The following ATP6V1B1 variants were observed in gnomAD, a reference collection of about 807,000 sequenced individuals.
ATP6V1B1 encodes the protein V-type proton ATPase subunit B, kidney isoform.
In ATP6V1B1, 41 loss-of-function variants were observed where a neutral mutation model predicts 62.1. The observed-to-expected ratio is 0.66, with a 90% confidence interval of 0.51 to 0.86. The LOEUF is 0.86. Ranked by LOEUF, ATP6V1B1 falls within the 40% of genes least tolerant of loss-of-function variation. The pLI is 0.00. For synonymous variants in ATP6V1B1, 253 were observed against 273.4 expected, an observed-to-expected ratio of 0.93 and a Z score of 0.74; for missense variants, 651 against 697.5, an observed-to-expected ratio of 0.93 and a Z score of 0.75.
chr2:70,944,663 C>G (rs1572909249), intron 2 of ATP6V1B1, among the ~76,000 whole-genome samples: 1 of 143,366 alleles, frequency 7.0e-6, no homozygotes, highest in African/African-American at 2.6e-5. Flanking sequence ...GCTTACAGGT[C>G]TTTTCTTTTT....
chr2:70,963,380 A>C lies in ATP6V1B1; in HGVS notation c.1060+68A>C. The C allele has an allele frequency of 5.6e-6, 9 of 1,609,910 alleles. No homozygotes were observed. The highest frequency in any genetic ancestry group is 1.3e-5 in the African/African-American group (1 of 74,938). ...CTCCCTTTTCCAACCAGATACTTAA[A>C]GGGCCCACGTTGCTTTGCACAGATG... On this transcript the variant is annotated intron_variant, in intron 10 of 13. Coordinates refer to ENST00000234396, the MANE Select transcript of ATP6V1B1 (RefSeq NM_001692.4). This position sits in a 1 kb window ranked among gnomAD's most constrained non-coding sequence, Gnocchi z 4.3.
intron 12 of ATP6V1B1, 94 bp from the exon 13 acceptor site, chr2:70,964,642 C>T: frequency 6.2e-7 from 1 of 1,612,650 alleles, no homozygotes; most frequent in Non-Finnish European, 8.5e-7. Flanking sequence ...GGCAAAATTC[C>T]TTTCCGAACG....
At chr2:70,939,693 A>G (rs1679941743) in intron 1 of ATP6V1B1, 1 of 152,236 alleles carries the variant, frequency 6.6e-6, no homozygotes, top group South Asian at 2.1e-4. Flanking sequence ...AACAGGGGAG[A>G]GGCAGAGCTC....
chr2:70,938,898 G>C, intron 1 of ATP6V1B1: 1 of 683,214 alleles, frequency 1.5e-6, no homozygotes, highest in Non-Finnish European at 1.8e-6. Flanking sequence ...AGGAGCTTGA[G>C]TGCCAAACCA....
chr2:70,941,849 G>A (rs1477087375), intron 1 of ATP6V1B1: 7 of 985,856 alleles, frequency 7.1e-6, no homozygotes, highest in Middle Eastern at 5.2e-4. Context: ...GCTGACAGGC[G>A]GCCCCAGAGG....
chr2:70,956,697 G>A (rs1487985776), intron 2 of ATP6V1B1, among the ~76,000 whole-genome samples: 1 of 152,076 alleles, frequency 6.6e-6, no homozygotes, highest in Non-Finnish European at 1.5e-5. Flanking sequence ...CTGCCTTCCT[G>A]GCTCAAGGGA....
At chr2:70,964,259 A>C in intron 11 of ATP6V1B1, 179 bp from the exon 12 acceptor site, 1 of 677,456 alleles carries the variant, frequency 1.5e-6, no homozygotes, top group Non-Finnish European at 2.7e-6. Context: ...GTCTAGGGCC[A>C]CATATAAGAC....
chr2:70,954,694 GC>G (rs1680395263), intron 2 of ATP6V1B1, among the ~76,000 whole-genome samples: 1 of 152,082 alleles, frequency 6.6e-6, no homozygotes, highest in African/African-American at 2.4e-5. Context: ...TGTTGCCCAG[GC>G]TGATCTCAAC....
In ATP6V1B1 at chr2:70,963,350, C is replaced by T. The variant is rs1680636891; in HGVS notation, c.1060+38C>T. 1 of 1,612,166 alleles carries T rather than the reference C, an allele frequency of 6.2e-7. No individual in the cohort carries two copies. The highest frequency in any genetic ancestry group is 1.7e-5 in the Admixed American group (1 of 60,004). On this transcript the variant is annotated intron_variant, in intron 10 of 13. Coordinates refer to ENST00000234396, the MANE Select transcript of ATP6V1B1 (RefSeq NM_001692.4). The surrounding 1 kb of genome is among the most constrained non-coding windows in gnomAD (Gnocchi z 4.3). ...CAGCCCACTACCCTCCAGAGCTCCC[C>T]TGTCCTCCCTTTTCCAACCAGATAC... is the stretch of plus-strand genomic sequence containing the variant.
Position 70,958,046 on chromosome 2 carries a change from T to A in ATP6V1B1, c.175T>A (p.Phe59Ile). Reference protein sequence around the residue: ...GPLVVLDRVKFAQYAEIVHFT... With the variant: ...GPLVVLDRVKIAQYAEIVHFT... ...CGTGGCTGCTCTCCCCTCCTGCCAG[T>A]TTGCCCAGTATGCGGAGATCGTCCA... The change falls in exon 3 of 14, where the codon TTT (phenylalanine) becomes ATT (isoleucine). Residue 59 changes from phenylalanine to isoleucine, a missense_variant and splice_region_variant. Phe to Ile is a conservative substitution (Grantham distance 21). Coordinates refer to ENST00000234396, the MANE Select transcript of ATP6V1B1 (RefSeq NM_001692.4). 1 of 1,613,806 alleles carries A rather than the reference T, an allele frequency of 6.2e-7. No individual in the cohort carries two copies. Among genetic ancestry groups the A allele is most frequent in the Non-Finnish European group, 8.5e-7 (1 of 1,179,908 alleles).
chr2:70,943,372 A>C (rs573144420), intron 1 of ATP6V1B1: 748 of 582,808 alleles, frequency 1.3e-3, no homozygotes, highest in Admixed American at 3.9e-3. Flanking sequence ...AAGCAGCCTC[A>C]GGGATGAGAG....
intron 2 of ATP6V1B1, chr2:70,956,073 C>A: frequency 4.8e-6 from 1 of 210,058 alleles, no homozygotes; most frequent in South Asian, 1.1e-4. Context: ...TGGTTTTGTT[C>A]TCAGCAAACT....
intron 2 of ATP6V1B1, among the ~76,000 whole-genome samples, chr2:70,951,282 C>T (rs983867800): frequency 3.9e-5 from 6 of 152,232 alleles, no homozygotes; most frequent in Non-Finnish European, 8.8e-5. Context: ...TCAAGTACTT[C>T]AGTGTATATT....
intron 1 of ATP6V1B1, among the ~76,000 whole-genome samples, chr2:70,936,598 C>A (rs149853473): frequency 6.6e-6 from 1 of 152,054 alleles, no homozygotes; most frequent in Non-Finnish European, 1.5e-5. Flanking sequence ...TGCCTGTGTG[C>A]ATAAGCAGGT....
intron 2 of ATP6V1B1, among the ~76,000 whole-genome samples, chr2:70,950,938 T>TC (rs1680310801): frequency 7.6e-6 from 1 of 131,192 alleles, no homozygotes; most frequent in Admixed American, 7.5e-5. Flanking sequence ...CCTGATTTTT[T>TC]TTTTTTTTTT....
intron 1 of ATP6V1B1, chr2:70,940,910 T>TC: frequency 5.0e-6 from 1 of 201,680 alleles, no homozygotes; most frequent in Non-Finnish European, 5.9e-6. Context: ...TCTTTTTCTT[T>TC]TTCTTTTTTT....
chr2:70,960,384 G>T (rs959946550), intron 6 of ATP6V1B1, among the ~76,000 whole-genome samples: 1 of 152,126 alleles, frequency 6.6e-6, no homozygotes, highest in Admixed American at 6.5e-5. Flanking sequence ...TTACTCACCC[G>T]CTCCTGCTTC....
intron 2 of ATP6V1B1, among the ~76,000 whole-genome samples, chr2:70,945,349 C>T (rs1680130603): frequency 6.6e-6 from 1 of 152,108 alleles, no homozygotes; most frequent in Admixed American, 6.6e-5. Flanking sequence ...AGAGGAAACA[C>T]TAAATTTGCG....
At chr2:70,954,702 C>T (rs1290144044) in intron 2 of ATP6V1B1, among the ~76,000 whole-genome samples, 2 of 152,114 alleles carry the variant, frequency 1.3e-5, no homozygotes, top group Non-Finnish European at 2.9e-5. Flanking sequence ...AGGCTGATCT[C>T]AACCTCCTAG....
Sources: gnomAD v4.1 joint callset for allele counts (sites outside exome capture counted in the v4.1 genomes callset) on GRCh38, gnomAD v4.1.1 for gene constraint, Gnocchi (gnomAD v3.1) non-coding constraint, MANE v1.5 for transcripts, NCBI Gene and HGNC (gene_info 2026-07-23, HGNC 2026-07-21) for gene names.